The following SAMD12 variants were observed in gnomAD, a reference collection of about 807,000 sequenced individuals.
The protein encoded by SAMD12 is sterile alpha motif domain containing 12.
SAMD12 carries 9 observed loss-of-function variants against 15.0 expected under a neutral mutation model. The observed-to-expected ratio is 0.60, with a 90% CI of 0.36 to 1.05. The LOEUF (loss-of-function observed/expected upper bound fraction) is 1.05. Ranked by LOEUF, SAMD12 falls within the 50% of genes least tolerant of loss-of-function variation. The pLI is 0.01. For missense variants in SAMD12, 230 were observed against 234.2 expected (o/e 0.98, Z 0.12); for synonymous variants, 86 against 90.1 (o/e 0.96, Z 0.25).
chr8:118,560,514 T>C (rs1038407755), intron 2 of SAMD12, among the ~76,000 whole-genome samples: 1 of 152,166 alleles, frequency 6.6e-6, no homozygotes, highest in African/African-American at 2.4e-5. Context: ...TGAAATGTAA[T>C]GAAGCAGGAG....
At chr8:118,285,967 C>T (rs1476474049) in intron 4 of SAMD12, among the ~76,000 whole-genome samples, 2 of 152,070 alleles carry the variant, frequency 1.3e-5, no homozygotes, top group African/African-American at 2.4e-5. Context: ...CACATATACA[C>T]CATGGAATAC....
chr8:118,442,764 C>G (rs1822799483), intron 2 of SAMD12, among the ~76,000 whole-genome samples: 1 of 152,168 alleles, frequency 6.6e-6, no homozygotes, highest in African/African-American at 2.4e-5. Flanking sequence ...CCCTGAAACT[C>G]TTGCAAGTAA....
At chr8:118,316,049 T>C (rs573186091) in intron 4 of SAMD12, among the ~76,000 whole-genome samples, 2 of 152,282 alleles carry the variant, frequency 1.3e-5, no homozygotes, top group South Asian at 4.1e-4. Flanking sequence ...TTTTGCGTAA[T>C]GGCATTAAAA....
rs186237967 is a variant in SAMD12, at chr8:118,556,740, G to A, written c.192+23975C>T. ...AGTACTTTGGGAGGCCGAGGCGGGC[G>A]AATCACAAATTCAGGAGTTTGAGAC... On this transcript the variant is annotated intron_variant, in intron 2 of 3. Transcript: ENST00000314727. Among the ~76,000 whole-genome samples, 89 of 152,058 alleles carry A rather than the reference G, an allele frequency of 5.9e-4. 3 individuals are homozygous for A. The East Asian group carries it at 0.017, about 29-fold the overall frequency.
At chr8:118,612,165 T>A (rs533671864) in intron 1 of SAMD12, among the ~76,000 whole-genome samples, 2 of 152,240 alleles carry the variant, frequency 1.3e-5, no homozygotes, top group African/African-American at 2.4e-5. Context: ...ACAGGTAAGT[T>A]TTTCTCTTTC....
chr8:118,183,827 C>A, the SAMD12 span, among the ~76,000 whole-genome samples: 1 of 152,068 alleles, frequency 6.6e-6, no homozygotes, highest in Non-Finnish European at 1.5e-5. Context: ...TCACCCCTCT[C>A]CCACCCTCCC....
At chr8:118,479,511 G>A (rs2130986440) in intron 2 of SAMD12, among the ~76,000 whole-genome samples, 1 of 152,174 alleles carries the variant, frequency 6.6e-6, no homozygotes, top group East Asian at 1.9e-4. Context: ...GAACAGTATG[G>A]GGGAAACCAC....
intron 2 of SAMD12, among the ~76,000 whole-genome samples, chr8:118,490,338 T>C (rs1824407876): frequency 6.6e-6 from 1 of 152,174 alleles, no homozygotes; most frequent in African/African-American, 2.4e-5. Flanking sequence ...AACCAGCCAC[T>C]AGCAGGAATT....
intron 4 of SAMD12, among the ~76,000 whole-genome samples, chr8:118,262,250 C>T (rs2130069084): frequency 6.6e-6 from 1 of 152,200 alleles, no homozygotes; most frequent in South Asian, 2.1e-4. Flanking sequence ...TGACTTTTCA[C>T]AGTCTGTCCA....
chr8:118,562,403 A>C (rs1440803347), intron 2 of SAMD12, among the ~76,000 whole-genome samples: 1 of 152,050 alleles, frequency 6.6e-6, no homozygotes, highest in Non-Finnish European at 1.5e-5. Context: ...CTGTTTGAGA[A>C]ATAAAGAAAA....
intron 1 of SAMD12, among the ~76,000 whole-genome samples, chr8:118,589,116 C>G (rs1351256632): frequency 1.3e-5 from 2 of 152,102 alleles, no homozygotes; most frequent in East Asian, 3.9e-4. Context: ...CAAGAAGAGA[C>G]TGGAAAAAAA....
chr8:118,434,500 C>G (rs1211223533), intron 3 of SAMD12, among the ~76,000 whole-genome samples: 2 of 152,152 alleles, frequency 1.3e-5, no homozygotes, highest in Non-Finnish European at 2.9e-5. Context: ...GGGGAAGGAA[C>G]CCTTCACAGA....
chr8:118,149,812 A>G, the SAMD12 span, among the ~76,000 whole-genome samples: 1 of 152,078 alleles, frequency 6.6e-6, no homozygotes, highest in African/African-American at 2.4e-5. Flanking sequence ...AAATTTTTCC[A>G]GCATTGTTTG....
At chr8:118,599,479 C>T (rs982781104) in intron 1 of SAMD12, among the ~76,000 whole-genome samples, 3 of 152,186 alleles carry the variant, frequency 2.0e-5, no homozygotes, top group African/African-American at 4.8e-5. Flanking sequence ...CACTGCTGGC[C>T]TGCCCAGGTG....
chr8:118,231,749 C>T (rs1267192130), intron 4 of SAMD12, among the ~76,000 whole-genome samples: 3 of 152,102 alleles, frequency 2.0e-5, no homozygotes, highest in Non-Finnish European at 4.4e-5. Flanking sequence ...ATTTATGATC[C>T]TCCTTCTGCA....
intron 4 of SAMD12, among the ~76,000 whole-genome samples, chr8:118,322,291 C>T (rs181516530): frequency 6.6e-6 from 1 of 152,362 alleles, no homozygotes; most frequent in Non-Finnish European, 1.5e-5. Context: ...CTGTAGTGGG[C>T]TCCATAGTGA....
At chr8:118,177,195 T>C in the SAMD12 span, among the ~76,000 whole-genome samples, 2 of 151,578 alleles carry the variant, frequency 1.3e-5, no homozygotes, top group Admixed American at 6.6e-5. Flanking sequence ...TGCTCATGAG[T>C]TGAGTTGAAT....
intron 3 of SAMD12, among the ~76,000 whole-genome samples, chr8:118,437,850 G>C (rs1282981514): frequency 6.6e-6 from 1 of 152,082 alleles, no homozygotes; most frequent in African/African-American, 2.4e-5. Flanking sequence ...GGACTGTAAG[G>C]CTCATCCTCT....
chr8:118,542,521 G>A (rs1240225517), intron 2 of SAMD12, among the ~76,000 whole-genome samples: 2 of 152,116 alleles, frequency 1.3e-5, no homozygotes, highest in African/African-American at 4.8e-5. Flanking sequence ...AGGGCATTTG[G>A]AGATGGGGAG....
Sources: gnomAD v4.1 joint callset for allele counts (sites outside exome capture counted in the v4.1 genomes callset) on GRCh38, gnomAD v4.1.1 for gene constraint, MANE v1.5 for transcripts, NCBI Gene and HGNC (gene_info 2026-07-23, HGNC 2026-07-21) for gene names.